The following CXCR5 variants were observed in gnomAD, a reference collection of about 807,000 sequenced individuals.
CXCR5 encodes C-X-C motif chemokine receptor 5.
CXCR5 carries 3 observed loss-of-function variants against 5.6 expected under a neutral mutation model. The ratio of observed to expected loss-of-function variants is 0.54; its 90% confidence interval spans 0.24 to 1.39. The LOEUF (loss-of-function observed/expected upper bound fraction) is 1.39. Ranked by LOEUF, CXCR5 falls within the 40% of genes most tolerant of loss-of-function variation. The pLI, the probability that CXCR5 is intolerant of heterozygous loss-of-function variation, is 0.16. For missense variants in CXCR5, 333 were observed against 494.6 expected (o/e 0.67, Z 3.10); for synonymous variants, 218 against 219.9 (o/e 0.99, Z 0.08).
In CXCR5 at chr11:118,893,268, C is replaced by A; in HGVS notation, c.52-328C>A. Reference sequence around the variant, plus strand: ...CATTCCCCAAATTGAAGTCCTGTGACTCCAGCCGCCAAGGCTGCAGGCTTC... The same window carrying A: ...CATTCCCCAAATTGAAGTCCTGTGAATCCAGCCGCCAAGGCTGCAGGCTTC... On this transcript the variant is annotated intron_variant, in intron 1 of 1. Transcript: ENST00000292174. This position sits in a 1 kb window ranked among gnomAD's most constrained non-coding sequence, Gnocchi z 5.7. 1 of 420,794 alleles carries A rather than the reference C, an allele frequency of 2.4e-6. No individual in the cohort carries two copies. The highest frequency in any genetic ancestry group is 3.2e-6 in the Non-Finnish European group (1 of 314,632). The allele number at this position is 420,794 out of a possible 1,614,324, so 26.1% of individuals were successfully genotyped here. A position where few individuals can be genotyped will look rare whatever the true frequency, so the allele number is the denominator to read the frequency against.
chr11:118,894,411 C>A lies in CXCR5; in HGVS notation c.867C>A (p.Ala289=), dbSNP rs556054471. The A allele has an allele frequency of 5.0e-6, 8 of 1,614,102 alleles. No individual in the cohort carries two copies. Among genetic ancestry groups the A allele is most frequent in the Non-Finnish European group, 6.8e-6 (8 of 1,180,054 alleles). The stretch of plus-strand genomic sequence containing the variant: ...TGGACACCCTGGCGAGGCTGAAGGC[C>A]GTGGACAATACCTGCAAGCTGAATG... ...IFLDTLARLK[A]VDNTCKLNGS... Residue 289 remains alanine (A), a synonymous_variant, in exon 2 of 2, where the codon GCC becomes GCA. Transcript: ENST00000292174. The surrounding 1 kb of genome is among the most constrained non-coding windows in gnomAD (Gnocchi z 6.1).
chr11:118,894,783 C>A lies in CXCR5; in HGVS notation c.*120C>A. 1.0e-6 allele frequency: 1 copy of A among 979,446 alleles called. No homozygotes were observed. The highest frequency in any genetic ancestry group is 3.2e-5 in the South Asian group (1 of 31,584). The allele number at this position is 979,446 out of a possible 1,614,324, so 60.7% of individuals were successfully genotyped here. On this transcript the variant is annotated 3_prime_UTR_variant, in exon 2 of 2. Coordinates refer to ENST00000292174, the MANE Select transcript of CXCR5 (RefSeq NM_001716.5). This position sits in a 1 kb window ranked among gnomAD's most constrained non-coding sequence, Gnocchi z 6.1. ...GTGGCTAAGAGTGTCCTAGGAGTAT[C>A]CTCATTTGGGGTAGCTAGAGGAACC...
chr11:118,894,748 A>C lies in CXCR5; in HGVS notation c.*85A>C. The C allele has an allele frequency of 7.3e-7, 1 of 1,378,256 alleles. No homozygotes were observed. Among genetic ancestry groups the C allele is most frequent in the Non-Finnish European group, 9.7e-7 (1 of 1,031,586 alleles). The allele number at this position is 1,378,256 out of a possible 1,614,324, so 85.4% of individuals were successfully genotyped here. On this transcript the variant is annotated 3_prime_UTR_variant, in exon 2 of 2. Coordinates refer to ENST00000292174, the MANE Select transcript of CXCR5 (RefSeq NM_001716.5). This position sits in a 1 kb window ranked among gnomAD's most constrained non-coding sequence, Gnocchi z 6.1. Reference sequence around the variant, plus strand: ...CCTTCCAACAGGAGCTGGGATCCTAAGGGCTCACCGTGGCTAAGAGTGTCC... The same window carrying C: ...CCTTCCAACAGGAGCTGGGATCCTACGGGCTCACCGTGGCTAAGAGTGTCC...
chr11:118,894,910 T>C lies in CXCR5; in HGVS notation c.*247T>C. 1 of 433,576 alleles carries C rather than the reference T, an allele frequency of 2.3e-6. No homozygotes were observed. The highest frequency in any genetic ancestry group is 8.8e-5 in the South Asian group (1 of 11,396). 26.9% of individuals were successfully genotyped at this position (433,576 alleles called of 1,614,324 possible). On this transcript the variant is annotated 3_prime_UTR_variant, in exon 2 of 2. Coordinates refer to ENST00000292174, the MANE Select transcript of CXCR5 (RefSeq NM_001716.5). The surrounding 1 kb of genome is among the most constrained non-coding windows in gnomAD (Gnocchi z 6.1). ...CAGCTCAAAGGCACAGTGAAGGCTG[T>C]CCTTACCCATCTGCACCCCCCTGGG...
chr11:118,889,557 C>G (rs1939776823), intron 1 of CXCR5, among the ~76,000 whole-genome samples: 1 of 152,172 alleles, frequency 6.6e-6, no homozygotes, highest in Admixed American at 6.5e-5. Context: ...TGCTTTATTG[C>G]CTCTCTCCAT....
rs1280901883 is a variant in CXCR5 at position 118,897,445 on chromosome 11, G to A, written c.*2782G>A. The A allele has an allele frequency of 9.7e-6, 2 of 207,234 alleles. No homozygotes were observed. Among genetic ancestry groups the A allele is most frequent in the Admixed American group, 1.1e-4 (2 of 18,558 alleles). The allele number at this position is 207,234 out of a possible 1,614,324, so 12.8% of individuals were successfully genotyped here. A position where few individuals can be genotyped will look rare whatever the true frequency, so the allele number is the denominator to read the frequency against. ...CCAAAGTGGAAAGCCAGGGCCCCGT[G>A]TCACCGGTGTGGGCAAACACACATG... On this transcript the variant is annotated 3_prime_UTR_variant, in exon 2 of 2. Transcript: ENST00000292174.
At position 118,894,001 on chromosome 11, in the gene CXCR5, C is replaced by T. The variant is rs546277181; in HGVS notation, c.457C>T (p.His153Tyr). The part of the protein sequence containing the change: ...IAVDRYLAIV[H>Y]AVHAYRHRRL... ...CGTGGACCGCTACCTGGCCATTGTC[C>T]ACGCCGTCCATGCCTACCGCCACCG... Residue 153 changes from histidine (H) to tyrosine (Y), a missense_variant, in exon 2 of 2, where the codon CAC (histidine) becomes TAC (tyrosine). Transcript: ENST00000292174. The surrounding 1 kb of genome is among the most constrained non-coding windows in gnomAD (Gnocchi z 6.1). 1.2e-6 allele frequency: 2 copies of T among 1,613,804 alleles called. No homozygotes were observed. Among genetic ancestry groups the T allele is most frequent in the East Asian group, 2.2e-5 (1 of 44,876 alleles).
rs1040741970 is a variant in CXCR5, at chr11:118,897,737, G to A, written c.*3074G>A. On this transcript the variant is annotated 3_prime_UTR_variant, in exon 2 of 2. Transcript: ENST00000292174. The stretch of plus-strand genomic sequence containing the variant: ...GGAGGGAGCAATAACTTGAAGAAGG[G>A]GGGAAGGGTTTCTTTTATCCTTTTT... The A allele has an allele frequency of 2.2e-6, 1 of 449,584 alleles. No homozygotes were observed. The highest frequency in any genetic ancestry group is 1.6e-5 in the South Asian group (1 of 63,824). The allele number at this position is 449,584 out of a possible 1,614,324, so 27.8% of individuals were successfully genotyped here. A position where few individuals can be genotyped will look rare whatever the true frequency, so the allele number is the denominator to read the frequency against.
intron 1 of CXCR5, 53 bp downstream of exon 1, chr11:118,884,045 C>T: frequency 1.3e-6 from 2 of 1,565,168 alleles, no homozygotes; most frequent in Non-Finnish European, 1.7e-6. Flanking sequence ...GGAATTCTAA[C>T]ATCCTTTGCC....
intron 1 of CXCR5, among the ~76,000 whole-genome samples, chr11:118,892,099 TTAGAG>T (rs991492464): frequency 2.3e-4 from 35 of 151,800 alleles, no homozygotes; most frequent in African/African-American, 8.0e-4. Context: ...CTCCTGAGCA[TTAGAG>T]TAAAGAGAAG....
Position 118,886,410 on chromosome 11 carries a change from C to T in CXCR5, c.51+2418C>T, listed in dbSNP as rs1386401957. 4 of 434,176 alleles carry T rather than the reference C, an allele frequency of 9.2e-6. No homozygotes were observed. The East Asian group carries it at 2.8e-4, about 30-fold the overall frequency. The allele number at this position is 434,176 out of a possible 1,614,324, so 26.9% of individuals were successfully genotyped here. On this transcript the variant is annotated intron_variant, in intron 1 of 1. Transcript: ENST00000292174. ...TAAGCCAGGTTCGTCATTCTGTATT[C>T]CATTTGTCCTCTTGAACTCGAAGAC...
chr11:118,885,632 G>A (rs2137650400), intron 1 of CXCR5, among the ~76,000 whole-genome samples: 1 of 152,318 alleles, frequency 6.6e-6, no homozygotes, highest in South Asian at 2.1e-4. Context: ...GGACATCTTA[G>A]TAACCAACTG....
At position 118,894,938 on chromosome 11, in the gene CXCR5, G is replaced by T; in HGVS notation, c.*275G>T. On this transcript the variant is annotated 3_prime_UTR_variant, in exon 2 of 2. Transcript: ENST00000292174. The surrounding 1 kb of genome is among the most constrained non-coding windows in gnomAD (Gnocchi z 6.1). Reference sequence around the variant, plus strand: ...TTACCCATCTGCACCCCCCTGGGCTGAGAGAACCTCACGCACCTCCCATCC... The same window carrying T: ...TTACCCATCTGCACCCCCCTGGGCTTAGAGAACCTCACGCACCTCCCATCC... 1 of 390,850 alleles carries T rather than the reference G, an allele frequency of 2.6e-6. No individual in the cohort carries two copies. Among genetic ancestry groups the T allele is most frequent in the Non-Finnish European group, 4.8e-6 (1 of 210,284 alleles). 24.2% of individuals were successfully genotyped at this position (390,850 alleles called of 1,614,324 possible).
At chr11:118,886,347 G>GCAA (rs1939709393) in intron 1 of CXCR5, 1 of 365,490 alleles carries the variant, frequency 2.7e-6, no homozygotes. Flanking sequence ...AAACTTGCCA[G>GCAA]AAAAAAAAAA....
In CXCR5 at chr11:118,893,534, TC is replaced by T; in HGVS notation, c.52-60del. The T allele has an allele frequency of 6.6e-7, 1 of 1,510,248 alleles. No individual in the cohort carries two copies. The highest frequency in any genetic ancestry group is 1.4e-5 in the South Asian group (1 of 74,050). 93.6% of individuals were successfully genotyped at this position (1,510,248 alleles called of 1,614,324 possible). A position where few individuals can be genotyped will look rare whatever the true frequency, so the allele number is the denominator to read the frequency against. On this transcript the variant is annotated intron_variant, in intron 1 of 1. Transcript: ENST00000292174. The surrounding 1 kb of genome is among the most constrained non-coding windows in gnomAD (Gnocchi z 5.7). ...AAAAAACCTCCAAGAGAGCTAGGGTTCCTCTCAGAGAGGAAAGACAGGTCCT... is the reference window on the plus strand; with the variant it reads ...AAAAAACCTCCAAGAGAGCTAGGGTTCTCTCAGAGAGGAAAGACAGGTCCT...
rs1939892105 is a variant in CXCR5, at chr11:118,895,456, T to C, written c.*793T>C. The stretch of plus-strand genomic sequence containing the variant: ...CGACAGAGGGAAGAAAAGAGCTTTC[T>C]TCCCGAACCCCAAGGAGGGAGATGG... On this transcript the variant is annotated 3_prime_UTR_variant, in exon 2 of 2. Transcript: ENST00000292174. This position sits in a 1 kb window ranked among gnomAD's most constrained non-coding sequence, Gnocchi z 4.2. The C allele has an allele frequency of 6.0e-6, 1 of 167,192 alleles. No homozygotes were observed. The allele number at this position is 167,192 out of a possible 1,614,324, so 10.4% of individuals were successfully genotyped here.
intron 1 of CXCR5, among the ~76,000 whole-genome samples, chr11:118,885,408 G>A (rs1046244114): frequency 2.6e-5 from 4 of 152,174 alleles, no homozygotes; most frequent in South Asian, 2.1e-4. Context: ...GCAGGCCCCC[G>A]TGTGACTGCC....
chr11:118,888,168 G>C (rs1939745990), intron 1 of CXCR5, among the ~76,000 whole-genome samples: 1 of 152,168 alleles, frequency 6.6e-6, no homozygotes, highest in South Asian at 2.1e-4. Flanking sequence ...CTTCTTCCCA[G>C]GGCAGGAATC....
At chr11:118,887,185 C>T (rs1939726187) in intron 1 of CXCR5, 1 of 956,024 alleles carries the variant, frequency 1.0e-6, no homozygotes, top group East Asian at 1.2e-4. Flanking sequence ...TTGCTTTCCC[C>T]AGGGACGCAG....
Sources: gnomAD v4.1 joint callset for allele counts (sites outside exome capture counted in the v4.1 genomes callset) on GRCh38, gnomAD v4.1.1 for gene constraint, Gnocchi (gnomAD v3.1) non-coding constraint, MANE v1.5 for transcripts, NCBI Gene and HGNC (gene_info 2026-07-23, HGNC 2026-07-21) for gene names.